TMLHE: variants seen among roughly 807,000 people sequenced by gnomAD.
TMLHE encodes the protein trimethyllysine dioxygenase, mitochondrial.
A neutral mutation model predicts 25.7 loss-of-function variants in TMLHE; 18 were observed. That is an observed-to-expected ratio of 0.70 (90% CI 0.48 to 1.04). The LOEUF (loss-of-function observed/expected upper bound fraction) is 1.04. TMLHE is among the 50% of genes least tolerant of loss of function. The probability of loss-of-function intolerance (pLI) is 0.00; values close to 1 mark genes in which losing one functional copy is unlikely to be tolerated. For synonymous variants in TMLHE, 105 were observed against 97.0 expected (o/e 1.08, Z -0.49); for missense variants, 236 against 259.0 (o/e 0.91, Z 0.61).
chrX:155,545,326 A>G, intron 1 of TMLHE, 49 bp from the exon 2 acceptor site: 1 of 994,530 alleles, frequency 1.0e-6, no homozygotes, highest in Non-Finnish European at 1.4e-6. Context: ...AACAACTTTT[A>G]TGAGGCTATA....
chrX:155,562,923 A>G (rs1480922017), intron 1 of TMLHE, among the ~76,000 whole-genome samples: 1 of 62,106 alleles, frequency 1.6e-5, no homozygotes, highest in Non-Finnish European at 4.5e-5. Context: ...GTTCCATCTG[A>G]GATCATCTCA....
In TMLHE at chrX:155,572,589, C is replaced by T. The variant is rs1445986265; in HGVS notation, c.-1-27312G>A. ...CACGCTACCTGACTTCAAACTATACCGCAAGGCTACAGTAACCAAAACAGC... is the reference window on the plus strand; with the variant it reads ...CACGCTACCTGACTTCAAACTATACTGCAAGGCTACAGTAACCAAAACAGC... On this transcript the variant is annotated intron_variant, in intron 1 of 7. Coordinates refer to ENST00000334398, the MANE Select transcript of TMLHE (RefSeq NM_018196.4). Among the ~76,000 whole-genome samples, 8 of 56,679 alleles carry T rather than the reference C, an allele frequency of 1.4e-4. 1 individual carries two copies. The East Asian group carries it at 2.2e-3, about 16-fold the overall frequency. 49.2% of individuals were successfully genotyped at this position (56,679 alleles called of 115,157 possible). A position where few individuals can be genotyped will look rare whatever the true frequency, so the allele number is the denominator to read the frequency against.
intron 1 of TMLHE, among the ~76,000 whole-genome samples, chrX:155,555,097 G>A (rs1300558034): frequency 9.1e-6 from 1 of 109,760 alleles, no homozygotes; most frequent in Non-Finnish European, 1.9e-5. Context: ...TGATCTCATT[G>A]TTCAATTCCC....
intron 1 of TMLHE, among the ~76,000 whole-genome samples, chrX:155,547,333 A>G (rs970232744): frequency 9.4e-6 from 1 of 106,447 alleles, no homozygotes; most frequent in Admixed American, 1.0e-4. Context: ...TTTAGTAGAG[A>G]CGGGGTTTCA....
chrX:155,514,520 T>C (rs781851236), intron 3 of TMLHE, among the ~76,000 whole-genome samples: 1 of 110,923 alleles, frequency 9.0e-6, no homozygotes, highest in Non-Finnish European at 1.9e-5. Context: ...ATTATAGTTA[T>C]ATAGTAAAAG....
chrX:155,609,085 A>G, intron 1 of TMLHE, among the ~76,000 whole-genome samples: 1 of 112,142 alleles, frequency 8.9e-6, no homozygotes, highest in Non-Finnish European at 1.9e-5. Context: ...AGACACATGC[A>G]TGCATATGTT....
At chrX:155,590,069 A>G (rs180981623) in intron 1 of TMLHE, among the ~76,000 whole-genome samples, 1 of 112,310 alleles carries the variant, frequency 8.9e-6, no homozygotes, top group East Asian at 2.8e-4. Flanking sequence ...TACTAAAGAA[A>G]GTTCCTTGGG....
chrX:155,590,972 A>G (rs1393322862), intron 1 of TMLHE, among the ~76,000 whole-genome samples: 1 of 111,458 alleles, frequency 9.0e-6, no homozygotes, highest in Non-Finnish European at 1.9e-5. Flanking sequence ...ACTATGAGAG[A>G]CACGCTTTAC....
At position 155,512,321 on chromosome X, in the gene TMLHE, C is replaced by A. The variant is rs1168968253; in HGVS notation, c.639-529G>T. 5.9e-4 allele frequency among the ~76,000 whole-genome samples: 57 copies of A among 97,232 alleles called. 1 individual carries two copies. The highest frequency in any genetic ancestry group is 1.0e-3 in the Non-Finnish European group (48 of 48,011). 84.4% of individuals were successfully genotyped at this position (97,232 alleles called of 115,157 possible). On this transcript the variant is annotated intron_variant, in intron 4 of 7. Transcript: ENST00000334398. Reference sequence around the variant, plus strand: ...TCCCAATGCTATCCCTCCCCCCTTCCCCCCACCCCACAACAGTCCCCAGAG... The same window carrying A: ...TCCCAATGCTATCCCTCCCCCCTTCACCCCACCCCACAACAGTCCCCAGAG...
At chrX:155,607,832 C>T (rs1365010943) in intron 1 of TMLHE, among the ~76,000 whole-genome samples, 4 of 111,042 alleles carry the variant, frequency 3.6e-5, no homozygotes, top group Non-Finnish European at 7.6e-5. Flanking sequence ...AAATAAAATA[C>T]CTGAGAATAC....
chrX:155,550,679 T>C (rs2067408632), intron 1 of TMLHE, among the ~76,000 whole-genome samples: 1 of 111,036 alleles, frequency 9.0e-6, no homozygotes, highest in Admixed American at 9.6e-5. Flanking sequence ...TCCTTACTAA[T>C]GTCAGTTCAA....
chrX:155,524,676 CTTTAAAA>C, intron 2 of TMLHE, 44 bp from the exon 3 acceptor site: 1 of 1,090,877 alleles, frequency 9.2e-7, no homozygotes, highest in Non-Finnish European at 1.2e-6. Context: ...ATTGAGATAA[CTTTAAAA>C]AATCAGCATC....
rs2067514458 is a variant in TMLHE at position 155,567,317 on chromosome X, T to C, written c.-1-22040A>G. 3.2e-5 allele frequency among the ~76,000 whole-genome samples: 2 copies of C among 62,793 alleles called. 1 individual carries two copies. The highest frequency in any genetic ancestry group is 9.0e-5 in the Non-Finnish European group (2 of 22,337). The allele number at this position is 62,793 out of a possible 115,157, so 54.5% of individuals were successfully genotyped here. On this transcript the variant is annotated intron_variant, in intron 1 of 7. Coordinates refer to ENST00000334398, the MANE Select transcript of TMLHE (RefSeq NM_018196.4). ...TTCCTGAATGACTGGCAGTTACATCTGAACATAATGACTGCATTAGGAATT... is the reference window on the plus strand; with the variant it reads ...TTCCTGAATGACTGGCAGTTACATCCGAACATAATGACTGCATTAGGAATT...
At chrX:155,600,898 C>T (rs2067752161) in intron 1 of TMLHE, among the ~76,000 whole-genome samples, 1 of 111,811 alleles carries the variant, frequency 8.9e-6, no homozygotes, top group African/African-American at 3.3e-5. Context: ...GGTGTTTAAG[C>T]ATAACATATG....
At chrX:155,604,701 A>G (rs1193620098) in intron 1 of TMLHE, among the ~76,000 whole-genome samples, 2 of 111,455 alleles carry the variant, frequency 1.8e-5, no homozygotes, top group Non-Finnish European at 3.8e-5. Flanking sequence ...CCGCAAACAC[A>G]AGGAAATAGA....
At position 155,514,259 on chromosome X, in the gene TMLHE, T is replaced by C; in HGVS notation, c.365A>G (p.Asp122Gly). The C allele has an allele frequency of 8.4e-7, 1 of 1,194,655 alleles. No homozygotes were observed. Among genetic ancestry groups the C allele is most frequent in the African/African-American group, 1.7e-5 (1 of 57,151 alleles). Residue 122 changes from aspartate (D) to glycine (G), a missense_variant, in exon 4 of 8, where the codon GAT becomes GGT. Transcript: ENST00000334398. ...DETTLFFTWP[D>G]GHVTKYDLNW... ...CAAATCATATTTAGTCACATGACCA[T>C]CTGGCCCTTTTAAGGGGAAAAATAA...
Position 155,524,470 on chromosome X carries a change from G to A in TMLHE, c.344C>T (p.Thr115Ile), listed in dbSNP as rs1274148507. The A allele has an allele frequency of 1.7e-6, 2 of 1,180,087 alleles. No individual in the cohort carries two copies. Among genetic ancestry groups the A allele is most frequent in the African/African-American group, 3.5e-5 (2 of 56,520 alleles). Reference sequence around the variant, plus strand: ...TGTCCACTCACAAGTGAAAAAGAGTGTGGTCTCATCCAGACGAATGGTCTT... The same window carrying A: ...TGTCCACTCACAAGTGAAAAAGAGTATGGTCTCATCCAGACGAATGGTCTT... ...KPKTIRLDET[T>I]LFFTWPDGHV... The change falls in exon 3 of 8, where the codon ACA becomes ATA. Residue 115 changes from threonine (T) to isoleucine (I), a missense_variant. This residue lies in a region of TMLHE where 217 missense variants were observed against 214.6 expected (regional missense o/e 1.01). Coordinates refer to ENST00000334398, the MANE Select transcript of TMLHE (RefSeq NM_018196.4).
intron 5 of TMLHE, among the ~76,000 whole-genome samples, chrX:155,511,001 T>G (rs781928370): frequency 9.0e-6 from 1 of 111,565 alleles, no homozygotes; most frequent in East Asian, 2.8e-4. Context: ...TGATGGCCAG[T>G]AATGATGAGC....
Position 155,569,119 on chromosome X carries a change from C to G in TMLHE, c.-1-23842G>C, listed in dbSNP as rs1557342659. ...TTAGATGAATGTATAACTAGAATAA[C>G]CAATACAGAGAAGTGCTTAAAGGAG... On this transcript the variant is annotated intron_variant, in intron 1 of 7. Transcript: ENST00000334398. 3.6e-5 allele frequency among the ~76,000 whole-genome samples: 2 copies of G among 56,338 alleles called. 1 individual carries two copies. The highest frequency in any genetic ancestry group is 8.6e-5 in the African/African-American group (2 of 23,173). 48.9% of individuals were successfully genotyped at this position (56,338 alleles called of 115,157 possible).
Sources: allele counts gnomAD v4.1 joint callset (sites outside exome capture counted in the v4.1 genomes callset), GRCh38; gene constraint gnomAD v4.1.1; regional missense constraint gnomAD v4.1.1; transcripts MANE v1.5; gene names NCBI Gene and HGNC (gene_info 2026-07-23, HGNC 2026-07-21).